Variants in IL1RAPL1 observed in about 807,000 individuals in gnomAD.
IL1RAPL1 encodes the protein interleukin 1 receptor accessory protein like 1.
IL1RAPL1 carries 3 observed loss-of-function variants against 48.4 expected under a neutral mutation model. The observed-to-expected ratio is 0.06, with a 90% CI of 0.03 to 0.16. The LOEUF is 0.16. Among genes scored for constraint, IL1RAPL1 ranks in the 10% least tolerant of loss-of-function variants. The pLI, the probability that IL1RAPL1 is intolerant of heterozygous loss-of-function variation, is 1.00. For missense variants in IL1RAPL1, 349 were observed against 530.6 expected (o/e 0.66, Z 3.36); for synonymous variants, 185 against 187.7 (o/e 0.99, Z 0.12).
chrX:29,479,868 G>T (rs2147745334), intron 5 of IL1RAPL1, among the ~76,000 whole-genome samples: 1 of 111,733 alleles, frequency 8.9e-6, no homozygotes, highest in East Asian at 2.8e-4. Context: ...TTATGGCTAA[G>T]TAGTATTCCA....
At chrX:29,486,612 CAAAAAAAAAAAA>C (rs768358495) in intron 5 of IL1RAPL1, among the ~76,000 whole-genome samples, 8 of 40,915 alleles carry the variant, frequency 2.0e-4, no homozygotes, top group Non-Finnish European at 2.4e-4. Context: ...AAGTGCTATA[CAAAAAAAAAAAA>C]AAAAAAAAAA....
At chrX:29,536,008 A>G (rs890923346) in intron 5 of IL1RAPL1, among the ~76,000 whole-genome samples, 2 of 112,260 alleles carry the variant, frequency 1.8e-5, no homozygotes, top group African/African-American at 6.5e-5. Context: ...GTATAAGAGC[A>G]CAACCTATGG....
intron 5 of IL1RAPL1, among the ~76,000 whole-genome samples, chrX:29,641,015 T>A (rs993886867): frequency 9.3e-6 from 1 of 107,442 alleles, no homozygotes; most frequent in Admixed American, 9.9e-5. Context: ...AAAAAAAAAA[T>A]TAAAAATTAG....
intron 5 of IL1RAPL1, among the ~76,000 whole-genome samples, chrX:29,562,103 ATCT>A (rs1569339314): frequency 1.3e-3 from 118 of 88,261 alleles, no homozygotes; most frequent in African/African-American, 5.6e-3. Context: ...CTATCTATCT[ATCT>A]ATCTATCTAA....
At chrX:28,991,460 A>T (rs1257374344) in intron 2 of IL1RAPL1, among the ~76,000 whole-genome samples, 1 of 111,760 alleles carries the variant, frequency 8.9e-6, no homozygotes, top group East Asian at 2.8e-4. Context: ...TCAACCTTCG[A>T]TTCCATGATA....
intron 5 of IL1RAPL1, among the ~76,000 whole-genome samples, chrX:29,541,222 A>G (rs1921428749): frequency 8.9e-6 from 1 of 111,870 alleles, no homozygotes; most frequent in Non-Finnish European, 1.9e-5. Context: ...AATCAAAACC[A>G]CAATGAGACA....
intron 3 of IL1RAPL1, among the ~76,000 whole-genome samples, chrX:29,321,863 A>G (rs1396695090): frequency 8.9e-6 from 1 of 112,100 alleles, no homozygotes; most frequent in African/African-American, 3.2e-5. Flanking sequence ...GAGCAGAGGC[A>G]TAAATCAAAA....
intron 6 of IL1RAPL1, among the ~76,000 whole-genome samples, chrX:29,821,779 C>G (rs189812523): frequency 1.8e-5 from 2 of 112,561 alleles, no homozygotes; most frequent in Admixed American, 1.9e-4. Context: ...ACATTGATTT[C>G]CAAACTGGGA....
intron 2 of IL1RAPL1, among the ~76,000 whole-genome samples, chrX:28,986,549 A>G (rs368736252): frequency 8.9e-6 from 1 of 112,141 alleles, no homozygotes; most frequent in African/African-American, 3.2e-5. Context: ...TATATTTATC[A>G]GTGTTTTTGG....
At chrX:28,883,879 A>G (rs779352645) in intron 2 of IL1RAPL1, among the ~76,000 whole-genome samples, 1 of 111,967 alleles carries the variant, frequency 8.9e-6, no homozygotes, top group Non-Finnish European at 1.9e-5. Context: ...AATTCTTAGA[A>G]TTTTTACATA....
chrX:29,925,657 C>T (rs779378642), intron 8 of IL1RAPL1, among the ~76,000 whole-genome samples: 1 of 107,216 alleles, frequency 9.3e-6, no homozygotes, highest in Admixed American at 1.0e-4. Context: ...CTGGCCTCAG[C>T]CTCCCTTGTG....
chrX:29,383,878 C>G (rs1289013855), intron 3 of IL1RAPL1, among the ~76,000 whole-genome samples: 5 of 112,095 alleles, frequency 4.5e-5, no homozygotes, highest in Non-Finnish European at 7.5e-5. Flanking sequence ...TCTGCTCTTT[C>G]CTTTTTTCCT....
At chrX:29,190,618 C>G in intron 2 of IL1RAPL1, among the ~76,000 whole-genome samples, 1 of 112,306 alleles carries the variant, frequency 8.9e-6, no homozygotes, top group Non-Finnish European at 1.9e-5. Flanking sequence ...AAAGACTGTT[C>G]CTTGCTGAGA....
At chrX:29,495,812 T>C (rs915690430) in intron 5 of IL1RAPL1, among the ~76,000 whole-genome samples, 1 of 111,367 alleles carries the variant, frequency 9.0e-6, no homozygotes, top group Non-Finnish European at 1.9e-5. Context: ...TTGAAATACA[T>C]ACTATCGCTA....
chrX:29,429,894 G>GTGTGT (rs34694649), intron 5 of IL1RAPL1, among the ~76,000 whole-genome samples: 8,104 of 84,912 alleles, frequency 0.095, 364 homozygotes, highest in Non-Finnish European at 0.11. Context: ...GTGTGTGTGT[G>GTGTGT]GTGTGTGTGT....
At chrX:29,401,318 G>A (rs149510218) in intron 5 of IL1RAPL1, among the ~76,000 whole-genome samples, 26 of 111,612 alleles carry the variant, frequency 2.3e-4, no homozygotes, top group African/African-American at 8.1e-4. Context: ...TTGACTGGAT[G>A]TGAAATTTTG....
intron 1 of IL1RAPL1, among the ~76,000 whole-genome samples, chrX:28,706,666 G>A (rs187688645): frequency 9.0e-6 from 1 of 111,430 alleles, no homozygotes; most frequent in East Asian, 2.8e-4. Flanking sequence ...CACCCACCTT[G>A]GCCTCTGAAA....
chrX:29,144,769 C>T (rs750384622), intron 2 of IL1RAPL1, among the ~76,000 whole-genome samples: 1 of 104,598 alleles, frequency 9.6e-6, no homozygotes, highest in Non-Finnish European at 2.0e-5. Context: ...CTCTGTTGCC[C>T]AGGCTGGAGT....
At chrX:29,035,891 T>G (rs754746923) in intron 2 of IL1RAPL1, among the ~76,000 whole-genome samples, 2 of 112,121 alleles carry the variant, frequency 1.8e-5, no homozygotes, top group South Asian at 7.4e-4. Context: ...TGTGATATGT[T>G]TGTCATATTT....
Sources: gnomAD v4.1 joint callset for allele counts (sites outside exome capture counted in the v4.1 genomes callset) on GRCh38, gnomAD v4.1.1 for gene constraint, MANE v1.5 for transcripts, NCBI Gene and HGNC (gene_info 2026-07-23, HGNC 2026-07-21) for gene names.